PTPRG: variants seen among roughly 807,000 people sequenced by gnomAD.
PTPRG encodes the protein protein tyrosine phosphatase receptor type G.
Under a neutral mutation model 165.3 loss-of-function variants are expected in PTPRG, and 102 were observed. The observed-to-expected ratio is 0.62, with a 90% CI of 0.53 to 0.73. The LOEUF is 0.73. Ranked by LOEUF, PTPRG falls within the 30% of genes least tolerant of loss-of-function variation. The probability of loss-of-function intolerance (pLI) is 0.00; values close to 1 mark genes in which losing one functional copy is unlikely to be tolerated. For synonymous variants in PTPRG, 675 were observed against 669.5 expected, an observed-to-expected ratio of 1.01 and a Z score of -0.13; for missense variants, 1,866 against 1,861.4, an observed-to-expected ratio of 1.00 and a Z score of -0.05.
At chr3:62,069,684 T>TCTCTCTCTCTCA (rs542306888) in intron 4 of PTPRG, among the ~76,000 whole-genome samples, 1 of 144,960 alleles carries the variant, frequency 6.9e-6, no homozygotes. Context: ...TCTCTCTCTC[T>TCTCTCTCTCTCA]CACACACAGA....
At chr3:62,023,655 C>T (rs575850284) in intron 4 of PTPRG, among the ~76,000 whole-genome samples, 115 of 152,274 alleles carry the variant, frequency 7.6e-4, no homozygotes, top group African/African-American at 2.6e-3. Flanking sequence ...TTAGATTCAT[C>T]CAACATCTGC....
chr3:61,809,574 G>T (rs2035513575), intron 2 of PTPRG, among the ~76,000 whole-genome samples: 1 of 152,116 alleles, frequency 6.6e-6, no homozygotes, highest in African/African-American at 2.4e-5. Context: ...GTTAATTTCT[G>T]TAAAATAAGT....
intron 2 of PTPRG, among the ~76,000 whole-genome samples, chr3:61,980,253 A>G (rs776784730): frequency 3.9e-5 from 6 of 152,212 alleles, no homozygotes; most frequent in Non-Finnish European, 8.8e-5. Flanking sequence ...TCACCTCAGC[A>G]AGTCTTTCCC....
intron 8 of PTPRG, among the ~76,000 whole-genome samples, chr3:62,178,276 T>C (rs1043941924): frequency 2.6e-5 from 4 of 151,868 alleles, no homozygotes; most frequent in African/African-American, 7.3e-5. Context: ...GAGGGATGGA[T>C]GGGAGGATGG....
chr3:61,961,286 C>T (rs2040146827), intron 2 of PTPRG, among the ~76,000 whole-genome samples: 1 of 152,098 alleles, frequency 6.6e-6, no homozygotes, highest in South Asian at 2.1e-4. Context: ...TTGAGTTCAG[C>T]TTTTCTTGTT....
chr3:61,943,460 C>T (rs1277006221), intron 2 of PTPRG, among the ~76,000 whole-genome samples: 1 of 152,174 alleles, frequency 6.6e-6, no homozygotes, highest in Non-Finnish European at 1.5e-5. Context: ...GGCCTTTAAT[C>T]CCAGCTACCT....
chr3:61,746,534 C>G (rs1303327518), intron 1 of PTPRG, among the ~76,000 whole-genome samples: 1 of 152,026 alleles, frequency 6.6e-6, no homozygotes, highest in South Asian at 2.1e-4. Context: ...GTCCCCCTGG[C>G]TTTGGTTCTA....
chr3:62,234,130 C>T (rs1396786574), intron 14 of PTPRG, among the ~76,000 whole-genome samples: 1 of 152,196 alleles, frequency 6.6e-6, no homozygotes, highest in Non-Finnish European at 1.5e-5. Context: ...GCTGTTCTCA[C>T]TTAACACACG....
At chr3:61,746,745 A>C (rs1201184219) in intron 1 of PTPRG, among the ~76,000 whole-genome samples, 1 of 152,160 alleles carries the variant, frequency 6.6e-6, no homozygotes, top group Non-Finnish European at 1.5e-5. Flanking sequence ...TAGAGCTAAC[A>C]TTGGTGGTGG....
intron 7 of PTPRG, among the ~76,000 whole-genome samples, chr3:62,158,314 G>T (rs1158805977): frequency 6.6e-6 from 1 of 152,144 alleles, no homozygotes; most frequent in Non-Finnish European, 1.5e-5. Flanking sequence ...AATTTCTTCT[G>T]CATTATTCCC....
At chr3:61,898,869 T>A (rs2038428771) in intron 2 of PTPRG, among the ~76,000 whole-genome samples, 1 of 152,186 alleles carries the variant, frequency 6.6e-6, no homozygotes, top group Non-Finnish European at 1.5e-5. Context: ...TAAGTAACAT[T>A]GTGTCCCTGG....
In PTPRG at chr3:62,275,928, G is replaced by T. The variant is rs1333287106; in HGVS notation, c.3521G>T (p.Cys1174Phe). 3.1e-6 allele frequency: 5 copies of T among 1,611,944 alleles called. No individual in the cohort carries two copies. Among genetic ancestry groups the T allele is most frequent in the Non-Finnish European group, 4.2e-6 (5 of 1,178,600 alleles). ...YVECFSAQKE[C>F]NKEKNRNSSV... ...GAATGTTTCAGTGCTCAGAAAGAGT[G>T]TAACAAAGAAAAGAACAGAAACTCT... Residue 1174 changes from cysteine to phenylalanine, a missense_variant, in exon 24 of 30, where the codon TGT becomes TTT. Coordinates refer to ENST00000474889, the MANE Select transcript of PTPRG (RefSeq NM_002841.4).
chr3:62,135,123 A>C (rs1703658457), intron 6 of PTPRG, among the ~76,000 whole-genome samples: 1 of 151,710 alleles, frequency 6.6e-6, no homozygotes, highest in South Asian at 2.1e-4. Flanking sequence ...AAAATACAAA[A>C]ATTAACTAGG....
intron 4 of PTPRG, among the ~76,000 whole-genome samples, chr3:62,006,700 C>G (rs1175005802): frequency 6.6e-6 from 1 of 152,138 alleles, no homozygotes; most frequent in Non-Finnish European, 1.5e-5. Flanking sequence ...CCCCTGCACC[C>G]TGGGACATTA....
intron 18 of PTPRG, 59 bp downstream of exon 18, chr3:62,267,551 T>G (rs1701921551): frequency 1.2e-5 from 18 of 1,537,138 alleles, no homozygotes; most frequent in Non-Finnish European, 1.6e-5. Flanking sequence ...CAGCAGAAAC[T>G]GTTTAATATA....
At chr3:61,975,182 A>G (rs1316727276) in intron 2 of PTPRG, among the ~76,000 whole-genome samples, 4 of 152,216 alleles carry the variant, frequency 2.6e-5, no homozygotes, top group Non-Finnish European at 5.9e-5. Flanking sequence ...CTGTTAATAA[A>G]GAATTGGTGT....
chr3:61,643,936 G>A (rs898802979), intron 1 of PTPRG, among the ~76,000 whole-genome samples: 39 of 152,186 alleles, frequency 2.6e-4, no homozygotes, highest in Non-Finnish European at 5.9e-5. Context: ...CACCTTGTAG[G>A]AAGGAACAGG....
chr3:62,163,874 C>T (rs1216496707), intron 7 of PTPRG, among the ~76,000 whole-genome samples: 1 of 152,178 alleles, frequency 6.6e-6, no homozygotes, highest in African/African-American at 2.4e-5. Context: ...ACACATTTAG[C>T]AAGTAGGGTT....
At chr3:61,928,460 C>T (rs1020521565) in intron 2 of PTPRG, among the ~76,000 whole-genome samples, 9 of 152,044 alleles carry the variant, frequency 5.9e-5, no homozygotes, top group African/African-American at 2.2e-4. Flanking sequence ...AATGAAATTG[C>T]TTGAATTTAC....
Sources: gnomAD v4.1 joint callset for allele counts (sites outside exome capture counted in the v4.1 genomes callset) on GRCh38, gnomAD v4.1.1 for gene constraint, MANE v1.5 for transcripts, NCBI Gene and HGNC (gene_info 2026-07-23, HGNC 2026-07-21) for gene names.